KCNH7: variants seen among roughly 807,000 people sequenced by gnomAD.
The protein encoded by KCNH7 is potassium voltage-gated channel subfamily H member 7, also known as voltage-gated inwardly rectifying potassium channel KCNH7.
KCNH7 carries 49 observed loss-of-function variants against 120.8 expected under a neutral mutation model. The ratio of observed to expected loss-of-function variants is 0.41; its 90% CI spans 0.32 to 0.51. The LOEUF (loss-of-function observed/expected upper bound fraction) is 0.51. Among genes scored for constraint, KCNH7 ranks in the 20% least tolerant of loss-of-function variants. The pLI is 0.38. For missense variants in KCNH7, 1,097 were observed against 1,446.6 expected (o/e 0.76, Z 3.92); for synonymous variants, 547 against 516.1 (o/e 1.06, Z -0.81).
chr2:162,642,021 G>A (rs748338058), intron 2 of KCNH7, among the ~76,000 whole-genome samples: 1 of 152,130 alleles, frequency 6.6e-6, no homozygotes, highest in South Asian at 2.1e-4. Context: ...GCAGGACAAC[G>A]ATCTGGCCAC....
intron 14 of KCNH7, among the ~76,000 whole-genome samples, chr2:162,378,934 G>T (rs1024597509): frequency 1.3e-5 from 2 of 152,158 alleles, no homozygotes; most frequent in Non-Finnish European, 2.9e-5. Flanking sequence ...CTCTGGTCTT[G>T]GTAACTTCGT....
chr2:162,656,642 C>T (rs114720965), intron 2 of KCNH7, among the ~76,000 whole-genome samples: 79 of 152,236 alleles, frequency 5.2e-4, no homozygotes, highest in African/African-American at 1.9e-3. Flanking sequence ...TAGGACACTA[C>T]ATTTTGGTTG....
At chr2:162,407,894 C>T (rs1416623936) in intron 9 of KCNH7, among the ~76,000 whole-genome samples, 2 of 152,038 alleles carry the variant, frequency 1.3e-5, no homozygotes, top group East Asian at 1.9e-4. Context: ...CCAACATGTA[C>T]TTAAAATACC....
At chr2:162,378,074 A>T (rs1686277017) in intron 14 of KCNH7, among the ~76,000 whole-genome samples, 1 of 152,186 alleles carries the variant, frequency 6.6e-6, no homozygotes, top group Non-Finnish European at 1.5e-5. Context: ...CCAAGTCAGG[A>T]ATTATACGTA....
At chr2:162,376,500 C>T (rs1251933910) in intron 14 of KCNH7, among the ~76,000 whole-genome samples, 1 of 151,678 alleles carries the variant, frequency 6.6e-6, no homozygotes, top group African/African-American at 2.4e-5. Context: ...GAGTAGCTGG[C>T]ATTACAGGCG....
intron 3 of KCNH7, among the ~76,000 whole-genome samples, chr2:162,526,663 T>G (rs1238638040): frequency 6.6e-6 from 1 of 152,044 alleles, no homozygotes. Context: ...TTATCTCTCT[T>G]GTTCCCTGAA....
At chr2:162,501,636 G>T (rs1418812779) in intron 6 of KCNH7, among the ~76,000 whole-genome samples, 1 of 152,054 alleles carries the variant, frequency 6.6e-6, no homozygotes, top group Non-Finnish European at 1.5e-5. Flanking sequence ...AATGCCTGAT[G>T]AGGGCTTGCT....
At chr2:162,745,355 G>T (rs949620763) in intron 2 of KCNH7, among the ~76,000 whole-genome samples, 1 of 151,954 alleles carries the variant, frequency 6.6e-6, no homozygotes. Context: ...ACGGCAGCTT[G>T]ACAAAATAAA....
intron 3 of KCNH7, among the ~76,000 whole-genome samples, chr2:162,520,327 T>C (rs1198337478): frequency 6.6e-6 from 1 of 151,690 alleles, no homozygotes; most frequent in African/African-American, 2.4e-5. Flanking sequence ...ATATCTGTTT[T>C]CATTTCTCTC....
At chr2:162,587,954 G>A (rs536882861) in intron 2 of KCNH7, among the ~76,000 whole-genome samples, 6 of 152,120 alleles carry the variant, frequency 3.9e-5, no homozygotes, top group Non-Finnish European at 7.4e-5. Context: ...ACCAAACAAC[G>A]CATTTCCCAG....
At chr2:162,447,654 A>G (rs1688628262) in intron 6 of KCNH7, among the ~76,000 whole-genome samples, 2 of 152,098 alleles carry the variant, frequency 1.3e-5, no homozygotes. Flanking sequence ...GTAATCCTCC[A>G]TTGGTTAGTC....
intron 2 of KCNH7, among the ~76,000 whole-genome samples, chr2:162,637,170 G>T (rs1361943022): frequency 1.3e-5 from 2 of 151,980 alleles, no homozygotes; most frequent in Non-Finnish European, 2.9e-5. Flanking sequence ...CATGTTAATG[G>T]TTAGGGGAAT....
chr2:162,505,921 T>C (rs1480394900), intron 5 of KCNH7, among the ~76,000 whole-genome samples: 1 of 151,862 alleles, frequency 6.6e-6, no homozygotes, highest in East Asian at 1.9e-4. Flanking sequence ...TCAATCAACT[T>C]GGGTCAGATA....
chr2:162,799,798 G>A (rs1466431134), intron 2 of KCNH7, among the ~76,000 whole-genome samples: 2 of 151,820 alleles, frequency 1.3e-5, no homozygotes, highest in African/African-American at 2.4e-5. Flanking sequence ...AACAATTTGC[G>A]TTCCTGGTTC....
chr2:162,751,859 T>A (rs1176089836), intron 2 of KCNH7, among the ~76,000 whole-genome samples: 1 of 152,036 alleles, frequency 6.6e-6, no homozygotes, highest in Admixed American at 6.6e-5. Flanking sequence ...ATTCATGATA[T>A]AAAATATTAT....
chr2:162,521,773 T>C (rs948682788), intron 3 of KCNH7, among the ~76,000 whole-genome samples: 6 of 151,914 alleles, frequency 3.9e-5, no homozygotes, highest in Non-Finnish European at 7.4e-5. Flanking sequence ...TCTACTCTTT[T>C]AGTTATTTTG....
In KCNH7 at chr2:162,680,734, T is replaced by C. The variant is rs146643021; in HGVS notation, c.308-143654A>G. On this transcript the variant is annotated intron_variant, in intron 2 of 15. Coordinates refer to ENST00000332142, the MANE Select transcript of KCNH7 (RefSeq NM_033272.4). ...CACTTATTGGCTGTGCGGGTGTCAG[T>C]TATTAAATCTTCTAAGCCTTCCTTT... Among the ~76,000 whole-genome samples the C allele has an allele frequency of 7.4e-3, 1,118 of 151,858 alleles. 21 individuals are homozygous for C. Among genetic ancestry groups the C allele is most frequent in the Admixed American group, 0.036 (553 of 15,178 alleles).
chr2:162,574,111 A>G lies in KCNH7; in HGVS notation c.308-37031T>C, dbSNP rs142493704. ...AAATCACATAATTCACTGAATATCC[A>G]TTGAACAAATTTATACAACATAGGT... On this transcript the variant is annotated intron_variant, in intron 2 of 15. Coordinates refer to ENST00000332142, the MANE Select transcript of KCNH7 (RefSeq NM_033272.4). Among the ~76,000 whole-genome samples the G allele has an allele frequency of 2.5e-3, 385 of 152,216 alleles. 1 individual carries two copies. Among genetic ancestry groups the G allele is most frequent in the African/African-American group, 8.8e-3 (366 of 41,568 alleles).
At chr2:162,706,157 G>A (rs1192868204) in intron 2 of KCNH7, among the ~76,000 whole-genome samples, 3 of 152,194 alleles carry the variant, frequency 2.0e-5, no homozygotes, top group South Asian at 2.1e-4. Context: ...GTGGTGCTTC[G>A]TTGCAGTTTG....
Sources: allele counts gnomAD v4.1 joint callset (sites outside exome capture counted in the v4.1 genomes callset), GRCh38; gene constraint gnomAD v4.1.1; transcripts MANE v1.5; gene names NCBI Gene and HGNC (gene_info 2026-07-23, HGNC 2026-07-21).